MPP2: variants seen among roughly 807,000 people sequenced by gnomAD.
The protein encoded by MPP2 is MAGUK p55 subfamily member 2.
A neutral mutation model predicts 58.5 loss-of-function variants in MPP2; 42 were observed. The observed-to-expected ratio is 0.72, with a 90% CI of 0.56 to 0.93. MPP2 has a LOEUF of 0.93. Ranked by LOEUF, MPP2 falls within the 40% of genes least tolerant of loss-of-function variation. The probability of loss-of-function intolerance (pLI) is 0.00; values close to 1 mark genes in which losing one functional copy is unlikely to be tolerated. For missense variants in MPP2, 632 were observed against 760.4 expected (o/e 0.83, Z 1.99); for synonymous variants, 300 against 307.8 (o/e 0.97, Z 0.26).
chr17:43,906,190 G>A, intron 1 of MPP2: 1 of 941,030 alleles, frequency 1.1e-6, no homozygotes, highest in Middle Eastern at 5.5e-4. Context: ...GGAGGATCCT[G>A]TATGAAATCC....
At position 43,876,040 on chromosome 17, in the gene MPP2, T is replaced by A. The variant is rs1349168061; in HGVS notation, c.*1767A>T. Reference sequence around the variant, plus strand: ...CTAAGGGAAAAGAGGAGCAGGAGAATGAGTGTGTAGTATACGCAGAGCCAC... The same window carrying A: ...CTAAGGGAAAAGAGGAGCAGGAGAAAGAGTGTGTAGTATACGCAGAGCCAC... On this transcript the variant is annotated 3_prime_UTR_variant, in exon 13 of 13. Transcript: ENST00000269095. 1.3e-5 allele frequency: 2 copies of A among 152,440 alleles called. No individual in the cohort carries two copies. Among genetic ancestry groups the A allele is most frequent in the Non-Finnish European group, 2.9e-5 (2 of 68,108 alleles). The allele number at this position is 152,440 out of a possible 1,614,324, so 9.4% of individuals were successfully genotyped here. A position where few individuals can be genotyped will look rare whatever the true frequency, so the allele number is the denominator to read the frequency against.
intron 2 of MPP2, chr17:43,900,559 C>G: frequency 6.5e-7 from 1 of 1,543,782 alleles, no homozygotes; most frequent in South Asian, 1.2e-5. Flanking sequence ...CCATGGCGGC[C>G]CCCAGACCCG....
chr17:43,886,145 A>G (rs972843739), intron 3 of MPP2, among the ~76,000 whole-genome samples: 1 of 151,896 alleles, frequency 6.6e-6, no homozygotes, highest in African/African-American at 2.4e-5. Flanking sequence ...GCCCTTTCTT[A>G]CATAAAACAC....
chr17:43,891,261 A>C (rs1387955839), intron 3 of MPP2, among the ~76,000 whole-genome samples: 1 of 152,152 alleles, frequency 6.6e-6, no homozygotes, highest in Non-Finnish European at 1.5e-5. Context: ...TCATGCCTGT[A>C]ATTCCTGCAC....
chr17:43,882,146 CTGCCCCT>C, intron 6 of MPP2, 131 bp downstream of exon 6: 3 of 800,550 alleles, frequency 3.7e-6, no homozygotes, highest in Non-Finnish European at 6.0e-6. Context: ...CTGCGGTCAG[CTGCCCCT>C]GGGCTGCAGG....
At chr17:43,906,795 G>A (rs1032146338) in intron 1 of MPP2, among the ~76,000 whole-genome samples, 22 of 151,956 alleles carry the variant, frequency 1.4e-4, no homozygotes, top group African/African-American at 5.3e-4. Context: ...CGCGCCCGCC[G>A]GAGACCAGGG....
chr17:43,893,667 G>A (rs1216270210), intron 3 of MPP2, among the ~76,000 whole-genome samples: 2 of 152,202 alleles, frequency 1.3e-5, no homozygotes, highest in Non-Finnish European at 2.9e-5. Context: ...ACCGTGAACT[G>A]CACGTGCCAG....
intron 1 of MPP2, among the ~76,000 whole-genome samples, chr17:43,905,806 C>T (rs2048265952): frequency 6.6e-6 from 1 of 152,166 alleles, no homozygotes; most frequent in Non-Finnish European, 1.5e-5. Context: ...CTCTCTGCTC[C>T]CATTCCCTTC....
intron 2 of MPP2, among the ~76,000 whole-genome samples, chr17:43,900,859 G>A (rs949725635): frequency 1.3e-5 from 2 of 152,160 alleles, no homozygotes; most frequent in African/African-American, 4.8e-5. Context: ...GCGGCTAACA[G>A]GAAGTTTTGA....
At chr17:43,899,308 C>A (rs2047989379) in intron 2 of MPP2, among the ~76,000 whole-genome samples, 1 of 152,168 alleles carries the variant, frequency 6.6e-6, no homozygotes, top group Non-Finnish European at 1.5e-5. Flanking sequence ...TCTAGATGGG[C>A]TGAAGCCCAG....
In MPP2 at chr17:43,883,358, G is replaced by A; in HGVS notation, c.151-3C>T. 1 of 1,609,876 alleles carries A rather than the reference G, an allele frequency of 6.2e-7. No individual in the cohort carries two copies. On this transcript the variant is annotated splice_polypyrimidine_tract_variant and splice_region_variant and intron_variant, in intron 3 of 12. Coordinates refer to ENST00000269095, the MANE Select transcript of MPP2 (RefSeq NM_005374.5). Reference sequence around the variant, plus strand: ...GTCTCCTCCAGCCTCTCATGGGCCTGGGGGTGGAAGCAGAACAGGTGGGGC... The same window carrying A: ...GTCTCCTCCAGCCTCTCATGGGCCTAGGGGTGGAAGCAGAACAGGTGGGGC...
At chr17:43,899,866 C>T (rs542850038) in intron 2 of MPP2, among the ~76,000 whole-genome samples, 1 of 152,156 alleles carries the variant, frequency 6.6e-6, no homozygotes, top group East Asian at 1.9e-4. Context: ...GGAAAGGAAG[C>T]GAGAAGCAGA....
At chr17:43,883,415 A>T (rs989047709) in intron 3 of MPP2, 60 bp from the exon 4 acceptor site, 53 of 1,557,606 alleles carry the variant, frequency 3.4e-5, no homozygotes, top group Non-Finnish European at 4.3e-5. Flanking sequence ...TGGGACACCA[A>T]GCAGGGTCCT....
rs1238709103 is a variant in MPP2, at chr17:43,879,266, A to G, written c.1482+9T>C. On this transcript the variant is annotated intron_variant, in intron 12 of 12. Coordinates refer to ENST00000269095, the MANE Select transcript of MPP2 (RefSeq NM_005374.5). This position sits in a 1 kb window ranked among gnomAD's most constrained non-coding sequence, Gnocchi z 4.1. ...ATCAGACCCCTCCCCCACACCTCAGAGCCCTCACCGTGAGCTGCTTGGTGG... is the reference window on the plus strand; with the variant it reads ...ATCAGACCCCTCCCCCACACCTCAGGGCCCTCACCGTGAGCTGCTTGGTGG... 4 of 1,606,260 alleles carry G rather than the reference A, an allele frequency of 2.5e-6. No homozygotes were observed. The African/African-American group carries it at 4.0e-5, about 16-fold the overall frequency.
In MPP2 at chr17:43,880,808, T is replaced by C. The variant is rs2047078004; in HGVS notation, c.1033A>G (p.Met345Val). 1.2e-6 allele frequency: 2 copies of C among 1,612,970 alleles called. No homozygotes were observed. Among genetic ancestry groups the C allele is most frequent in the Non-Finnish European group, 8.5e-7 (1 of 1,179,258 alleles). Reference protein sequence around the residue: ...ELLIYEEVARMPPFRRKTLVL... With the variant: ...ELLIYEEVARVPPFRRKTLVL... ...AGGGTTTTCCGGCGGAACGGGGGCA[T>C]GCGGGCCACCTCCTCATAAATGAGC... Residue 345 changes from methionine (M) to valine (V), a missense_variant, in exon 10 of 13, where the codon ATG becomes GTG. Coordinates refer to ENST00000269095, the MANE Select transcript of MPP2 (RefSeq NM_005374.5). The surrounding 1 kb of genome is among the most constrained non-coding windows in gnomAD (Gnocchi z 5.2).
intron 3 of MPP2, among the ~76,000 whole-genome samples, chr17:43,892,697 T>C (rs529730632): frequency 6.6e-6 from 1 of 152,182 alleles, no homozygotes; most frequent in Non-Finnish European, 1.5e-5. Flanking sequence ...TACTCTCTTC[T>C]ATTGTGCTCT....
intron 3 of MPP2, among the ~76,000 whole-genome samples, chr17:43,897,674 T>C (rs1720445429): frequency 6.6e-6 from 1 of 152,126 alleles, no homozygotes; most frequent in South Asian, 2.1e-4. Flanking sequence ...TTCTTACCTC[T>C]GTGCTTCTGC....
chr17:43,877,768 GT>G lies in MPP2; in HGVS notation c.*38del, dbSNP rs1465686115. The G allele has an allele frequency of 1.7e-5, 26 of 1,573,940 alleles. No homozygotes were observed. The highest frequency in any genetic ancestry group is 2.3e-5 in the Non-Finnish European group (26 of 1,147,300). On this transcript the variant is annotated 3_prime_UTR_variant, in exon 13 of 13. Transcript: ENST00000269095. Reference sequence around the variant, plus strand: ...GGAGGGGGATGGATTCAGGTTCTGGGTTTCAACACAGAGTGAGCCAAAGACC... The same window carrying G: ...GGAGGGGGATGGATTCAGGTTCTGGGTTCAACACAGAGTGAGCCAAAGACC...
chr17:43,878,729 G>A (rs2046961733), intron 12 of MPP2, among the ~76,000 whole-genome samples: 1 of 152,172 alleles, frequency 6.6e-6, no homozygotes. Context: ...GGACCCCTGC[G>A]CTCAGAGCGC....
Sources: allele counts gnomAD v4.1 joint callset (sites outside exome capture counted in the v4.1 genomes callset), GRCh38; gene constraint gnomAD v4.1.1; non-coding constraint Gnocchi (gnomAD v3.1); transcripts MANE v1.5; gene names NCBI Gene and HGNC (gene_info 2026-07-23, HGNC 2026-07-21).